Variants in ASB5 observed in about 807,000 individuals in gnomAD.
ASB5 encodes the protein ankyrin repeat and SOCS box protein 5.
In ASB5, 45 loss-of-function variants were observed where a neutral mutation model predicts 42.1. The observed-to-expected ratio is 1.07, with a 90% CI of 0.84 to 1.37. The LOEUF is 1.37. ASB5 is among the 40% of genes most tolerant of loss of function. ASB5 has a pLI of 0.00. For missense variants in ASB5, 402 were observed against 399.8 expected (o/e 1.01, Z -0.05); for synonymous variants, 147 against 150.6 (o/e 0.98, Z 0.18).
At chr4:176,250,224 G>C (rs370564402) in intron 1 of ASB5, among the ~76,000 whole-genome samples, 9 of 152,182 alleles carry the variant, frequency 5.9e-5, no homozygotes, top group African/African-American at 2.2e-4. Flanking sequence ...TTCTGGAATA[G>C]GGTGGCTGAG....
intron 2 of ASB5, among the ~76,000 whole-genome samples, chr4:176,222,627 G>T (rs1387461268): frequency 6.6e-6 from 1 of 152,164 alleles, no homozygotes; most frequent in Admixed American, 6.5e-5. Flanking sequence ...GCACCCTCAT[G>T]TCTGGACCCA....
intron 1 of ASB5, among the ~76,000 whole-genome samples, chr4:176,238,025 C>G (rs796610809): frequency 3.3e-5 from 5 of 152,040 alleles, no homozygotes; most frequent in African/African-American, 1.2e-4. Flanking sequence ...GGTTAGAGAC[C>G]AGCCTGGCCA....
intron 2 of ASB5, 46 bp from the exon 3 acceptor site, chr4:176,222,466 T>A (rs777913182): frequency 6.8e-7 from 1 of 1,463,702 alleles, no homozygotes; most frequent in South Asian, 1.2e-5. Context: ...GTTATATACT[T>A]AAAAAATCAT....
chr4:176,256,234 A>G (rs1754153593), intron 1 of ASB5, among the ~76,000 whole-genome samples: 1 of 152,244 alleles, frequency 6.6e-6, no homozygotes, highest in Non-Finnish European at 1.5e-5. Context: ...GAAAGCTAGC[A>G]TCTCAGATCT....
At chr4:176,266,359 C>T (rs1378512567) in intron 1 of ASB5, among the ~76,000 whole-genome samples, 3 of 151,914 alleles carry the variant, frequency 2.0e-5, no homozygotes, top group African/African-American at 4.8e-5. Flanking sequence ...AATGAGAAAC[C>T]CAATTCAAAG....
intron 5 of ASB5, 147 bp from the exon 6 acceptor site, chr4:176,217,156 C>T (rs146569791): frequency 9.6e-5 from 60 of 627,672 alleles, no homozygotes; most frequent in African/African-American, 9.0e-4. Context: ...TCTTTATATA[C>T]ATATACAGTA....
intron 3 of ASB5, 43 bp downstream of exon 3, chr4:176,222,270 C>T (rs578010933): frequency 1.4e-4 from 213 of 1,513,004 alleles, no homozygotes; most frequent in East Asian, 4.7e-4. Flanking sequence ...GGATTCCCTC[C>T]GTCAGTAGAT....
At chr4:176,260,374 G>A (rs1754235726) in intron 1 of ASB5, among the ~76,000 whole-genome samples, 1 of 152,098 alleles carries the variant, frequency 6.6e-6, no homozygotes, top group African/African-American at 2.4e-5. Context: ...TAACCAATGA[G>A]GAATTGTAGA....
At position 176,218,966 on chromosome 4, in the gene ASB5, G is replaced by A. The variant is rs1753080601; in HGVS notation, c.671-1957C>T. On this transcript the variant is annotated intron_variant, in intron 5 of 6. Transcript: ENST00000296525. ...ATGTATGATATATAAATATATATTT[G>A]TATGATATATAAATATATATATTTG... Among the ~76,000 whole-genome samples the A allele has an allele frequency of 1.4e-4, 2 of 14,666 alleles. 1 individual carries two copies. The highest frequency in any genetic ancestry group is 2.4e-4 in the Non-Finnish European group (2 of 8,322). 9.6% of individuals were successfully genotyped at this position (14,666 alleles called of 152,430 possible). A position where few individuals can be genotyped will look rare whatever the true frequency, so the allele number is the denominator to read the frequency against.
intron 5 of ASB5, among the ~76,000 whole-genome samples, chr4:176,220,391 T>G (rs1330131858): frequency 1.3e-5 from 2 of 152,198 alleles, no homozygotes; most frequent in African/African-American, 2.4e-5. Context: ...GATCGAATGA[T>G]TCTCATAAAC....
upstream of ASB5, among the ~76,000 whole-genome samples, chr4:176,270,255 G>C (rs1754443512): frequency 6.6e-6 from 1 of 152,080 alleles, no homozygotes; most frequent in South Asian, 2.1e-4. Context: ...TGTGGTACTT[G>C]CTTCCTAATT....
At chr4:176,274,201 G>A (rs1754525158), upstream of ASB5, among the ~76,000 whole-genome samples, 1 of 152,210 alleles carries the variant, frequency 6.6e-6, no homozygotes, top group Non-Finnish European at 1.5e-5. Flanking sequence ...TGAAAAGGCA[G>A]CATCACGGTA....
chr4:176,224,941 T>G (rs139691246), intron 2 of ASB5, among the ~76,000 whole-genome samples: 1 of 152,370 alleles, frequency 6.6e-6, no homozygotes, highest in Non-Finnish European at 1.5e-5. Context: ...TGTAATTAGC[T>G]GCACATATTG....
chr4:176,257,047 A>G (rs1754170525), intron 1 of ASB5, among the ~76,000 whole-genome samples: 1 of 152,222 alleles, frequency 6.6e-6, no homozygotes, highest in South Asian at 2.1e-4. Context: ...TTGACATTAG[A>G]TTTTGTCTTT....
At chr4:176,244,474 A>G (rs1753870879) in intron 1 of ASB5, among the ~76,000 whole-genome samples, 1 of 152,204 alleles carries the variant, frequency 6.6e-6, no homozygotes, top group Non-Finnish European at 1.5e-5. Context: ...TAAATCTGGA[A>G]CAGCTGTTTA....
intron 1 of ASB5, among the ~76,000 whole-genome samples, chr4:176,238,541 G>T (rs548594591): frequency 4.6e-5 from 7 of 152,288 alleles, no homozygotes; most frequent in African/African-American, 1.4e-4. Context: ...CAAGAGCAGC[G>T]ACCGAACTAT....
chr4:176,243,122 T>C (rs1282269065), intron 1 of ASB5, among the ~76,000 whole-genome samples: 1 of 152,204 alleles, frequency 6.6e-6, no homozygotes, highest in Non-Finnish European at 1.5e-5. Flanking sequence ...TTTAATCTTT[T>C]ACAGGAAAAG....
chr4:176,254,263 C>G (rs1424334843), intron 1 of ASB5, among the ~76,000 whole-genome samples: 5 of 152,062 alleles, frequency 3.3e-5, no homozygotes, highest in African/African-American at 1.2e-4. Context: ...ATGCTGCAGA[C>G]CTACGGCCCT....
At chr4:176,225,447 A>T in intron 1 of ASB5, 106 bp from the exon 2 acceptor site, 1 of 939,370 alleles carries the variant, frequency 1.1e-6, no homozygotes, top group Non-Finnish European at 1.7e-6. Flanking sequence ...ATTCACACTC[A>T]GTGTTCAACA....
Sources: gnomAD v4.1 joint callset for allele counts (sites outside exome capture counted in the v4.1 genomes callset) on GRCh38, gnomAD v4.1.1 for gene constraint, MANE v1.5 for transcripts, NCBI Gene and HGNC (gene_info 2026-07-23, HGNC 2026-07-21) for gene names.